Variants in SLC1A6 observed in about 807,000 individuals in gnomAD.
SLC1A6 encodes solute carrier family 1 member 6, also known as excitatory amino acid transporter 4.
SLC1A6 carries 15 observed loss-of-function variants against 42.1 expected under a neutral mutation model. The ratio of observed to expected loss-of-function variants is 0.36; its 90% CI spans 0.24 to 0.55. The LOEUF (loss-of-function observed/expected upper bound fraction) is 0.55, where lower values mean the gene tolerates loss of function less well. SLC1A6 is among the 20% of genes least tolerant of loss of function. The pLI is 0.88. For missense variants in SLC1A6, 542 were observed against 772.5 expected, an observed-to-expected ratio of 0.70 and a Z score of 3.54; for synonymous variants, 317 against 319.7, an observed-to-expected ratio of 0.99 and a Z score of 0.09.
intron 7 of SLC1A6, among the ~76,000 whole-genome samples, chr19:14,954,660 C>A (rs944449057): frequency 6.6e-6 from 1 of 152,016 alleles, no homozygotes; most frequent in Admixed American, 6.6e-5. Flanking sequence ...GCCCAAGGAG[C>A]GTTCCCCTTG....
chr19:14,954,414 G>A (rs2045442452), intron 7 of SLC1A6, 85 bp from the exon 8 acceptor site: 2 of 1,239,606 alleles, frequency 1.6e-6, no homozygotes, highest in Middle Eastern at 2.6e-4. Flanking sequence ...GTGGGGCAGG[G>A]CAGAGAATGG....
intron 1 of SLC1A6, among the ~76,000 whole-genome samples, chr19:14,990,793 A>C (rs957978212): frequency 9.4e-5 from 14 of 148,398 alleles, no homozygotes; most frequent in Middle Eastern, 3.5e-3. Flanking sequence ...AAACAAAAAA[A>C]AAAAAAAACG....
chr19:14,991,406 C>T (rs2045819280), intron 1 of SLC1A6, among the ~76,000 whole-genome samples: 2 of 152,120 alleles, frequency 1.3e-5, no homozygotes, highest in African/African-American at 2.4e-5. Context: ...GGATAGATCA[C>T]TAGAGGTCAG....
chr19:14,995,875 G>T (rs532482734), intron 1 of SLC1A6, among the ~76,000 whole-genome samples: 4 of 152,162 alleles, frequency 2.6e-5, no homozygotes, highest in Admixed American at 6.5e-5. Context: ...CCAGGAGCTA[G>T]GTTACCCCGG....
At chr19:15,005,859 G>A (rs1311056234) in intron 1 of SLC1A6, among the ~76,000 whole-genome samples, 4 of 152,254 alleles carry the variant, frequency 2.6e-5, no homozygotes, top group Admixed American at 6.5e-5. Flanking sequence ...GATCTGGCAT[G>A]AGGAAGCTTC....
chr19:14,975,876 G>GGAGGGGACA lies in SLC1A6; in HGVS notation c.-7-2960_-7-2959insTGTCCCCTC, dbSNP rs1231362373. 3.9e-5 allele frequency among the ~76,000 whole-genome samples: 2 copies of GGAGGGGACA among 51,024 alleles called. 1 individual carries two copies. Among genetic ancestry groups the GGAGGGGACA allele is most frequent in the Non-Finnish European group, 7.7e-5 (2 of 25,896 alleles). The allele number at this position is 51,024 out of a possible 152,430, so 33.5% of individuals were successfully genotyped here. A position where few individuals can be genotyped will look rare whatever the true frequency, so the allele number is the denominator to read the frequency against. On this transcript the variant is annotated intron_variant, in intron 1 of 9. Transcript: ENST00000594383. ...GAAGGGAAGGGAAGGGAAGGAAAGGGAAGGGAAGGGAAGGGAAGGAAAGGG... is the reference window on the plus strand; with the variant it reads ...GAAGGGAAGGGAAGGGAAGGAAAGGGGAGGGGACAAAGGGAAGGGAAGGGAAGGAAAGGG...
chr19:14,990,977 G>T (rs980065541), intron 1 of SLC1A6, among the ~76,000 whole-genome samples: 1 of 152,048 alleles, frequency 6.6e-6, no homozygotes, highest in East Asian at 1.9e-4. Context: ...ATGTGTGTGT[G>T]TATATTTCAA....
chr19:14,989,387 G>A (rs62113331), intron 1 of SLC1A6, among the ~76,000 whole-genome samples: 80,925 of 151,534 alleles, frequency 0.53, 21,767 homozygotes, highest in South Asian at 0.68. Flanking sequence ...TCGGCCTCCC[G>A]AGTAGCTTGA....
upstream of SLC1A6, among the ~76,000 whole-genome samples, chr19:14,982,296 G>A (rs555089314): frequency 6.6e-6 from 1 of 152,188 alleles, no homozygotes; most frequent in African/African-American, 2.4e-5. Flanking sequence ...TTGGAAGGCC[G>A]AGGTGGGCAA....
chr19:15,007,526 C>T (rs890309269), intron 1 of SLC1A6, among the ~76,000 whole-genome samples: 2 of 149,416 alleles, frequency 1.3e-5, no homozygotes, highest in Non-Finnish European at 3.0e-5. Flanking sequence ...TAAAATCATT[C>T]ATTGTATTTA....
rs377685722 is a variant in SLC1A6 at position 14,950,273 on chromosome 19, C to T, written c.1617G>A (p.Leu539=). The T allele has an allele frequency of 6.2e-7, 1 of 1,612,104 alleles. No individual in the cohort carries two copies. The highest frequency in any genetic ancestry group is 1.3e-5 in the African/African-American group (1 of 75,050). Residue 539 remains leucine, a synonymous_variant, in exon 10 of 10, where the codon CTG becomes CTA. Transcript: ENST00000594383. Reference sequence around the variant, plus strand: ...CCATGAGGGACTTGTAGGGTTTCCCCAGGCTGGGGAGGGTAAGCTCAGCTT... The same window carrying T: ...CCATGAGGGACTTGTAGGGTTTCCCTAGGCTGGGGAGGGTAAGCTCAGCTT... The part of the protein sequence containing the change: ...LQEAELTLPS[L]GKPYKSLMAQ...
At chr19:14,991,535 T>C (rs887797084) in intron 1 of SLC1A6, among the ~76,000 whole-genome samples, 1 of 151,406 alleles carries the variant, frequency 6.6e-6, no homozygotes, top group African/African-American at 2.4e-5. Context: ...AGGAAGAGAA[T>C]TGCTTGAACC....
intron 1 of SLC1A6, among the ~76,000 whole-genome samples, chr19:14,998,175 C>T (rs1044901183): frequency 1.9e-4 from 29 of 152,232 alleles, no homozygotes; most frequent in Admixed American, 3.9e-4. Context: ...GATAGAAAGA[C>T]GGAATCAGAC....
In SLC1A6 at chr19:14,971,851, G is replaced by C. The variant is rs377473242; in HGVS notation, c.229C>G (p.Arg77Gly). The change falls in exon 3 of 10, where the codon CGC becomes GGC. Residue 77 changes from arginine to glycine, a missense_variant. Physicochemically the swap from Arg to Gly is moderately radical, Grantham distance 125. Transcript: ENST00000594383. ...VIGVSLAFAL[R>G]PYQLTYRQIK... ...TGGCGGTAGGTGAGCTGATATGGGC[G>C]CAGGGCAAAGGCCAGGCTGACCCCT... is the stretch of plus-strand genomic sequence containing the variant. The C allele has an allele frequency of 6.2e-7, 1 of 1,614,134 alleles. No individual in the cohort carries two copies. Among genetic ancestry groups the C allele is most frequent in the South Asian group, 1.1e-5 (1 of 91,084 alleles).
intron 1 of SLC1A6, among the ~76,000 whole-genome samples, chr19:14,976,006 G>C (rs1453125418): frequency 1.3e-5 from 2 of 152,144 alleles, no homozygotes; most frequent in African/African-American, 2.4e-5. Context: ...TCATAACCAA[G>C]AAAGGGTGGT....
chr19:15,005,595 C>G (rs1403001866), intron 1 of SLC1A6, among the ~76,000 whole-genome samples: 3 of 152,090 alleles, frequency 2.0e-5, no homozygotes, highest in Non-Finnish European at 4.4e-5. Flanking sequence ...AATGGGTCAT[C>G]AAAGCCAGGA....
Position 14,950,316 on chromosome 19 carries a change from C to T in SLC1A6, c.1574G>A (p.Arg525Gln), listed in dbSNP as rs767260477. The T allele has an allele frequency of 2.5e-6, 4 of 1,611,994 alleles. No individual in the cohort carries two copies. Among genetic ancestry groups the T allele is most frequent in the Non-Finnish European group, 3.4e-6 (4 of 1,178,966 alleles). The change falls in exon 10 of 10, where the codon CGG becomes CAG. Residue 525 changes from arginine to glutamine, a missense_variant. Arg to Gln is a conservative substitution (Grantham distance 43). Around this residue, in one of 6 missense-constraint regions of SLC1A6, gnomAD observed 73 missense variants for 85.2 expected, o/e 0.86. Transcript: ENST00000594383. ...GAAVIEHLSQ[R>Q]ELELQEAELT... Reference sequence around the variant, plus strand: ...CTCAGCTTCCTGAAGCTCCAGCTCCCGCTGAGACAAGTGCTCGATGACGGC... The same window carrying T: ...CTCAGCTTCCTGAAGCTCCAGCTCCTGCTGAGACAAGTGCTCGATGACGGC...
At chr19:14,960,821 A>T (rs2145177128) in intron 6 of SLC1A6, among the ~76,000 whole-genome samples, 1 of 152,306 alleles carries the variant, frequency 6.6e-6, no homozygotes, top group South Asian at 2.1e-4. Context: ...TCAGTTAAAT[A>T]GGAGAAATAA....
In SLC1A6 at chr19:14,972,725, C is replaced by CGTCAGCA. The variant is rs2045656167; in HGVS notation, c.179_185dup (p.Val63AlafsTer116). ...GCTCACCAATGACCACGGCGCTGAC[C>CGTCAGCA]GTCAGCAGAATGAAGGCGTTTCGGC... is the stretch of plus-strand genomic sequence containing the variant. On this transcript the variant is annotated frameshift_variant, in exon 2 of 10. Transcript: ENST00000594383. LOFTEE classifies it high-confidence loss of function. 6.2e-7 allele frequency: 1 copy of CGTCAGCA among 1,613,946 alleles called. No individual in the cohort carries two copies. Among genetic ancestry groups the CGTCAGCA allele is most frequent in the Admixed American group, 1.7e-5 (1 of 60,020 alleles).
Sources: allele counts gnomAD v4.1 joint callset (sites outside exome capture counted in the v4.1 genomes callset), GRCh38; gene constraint gnomAD v4.1.1; regional missense constraint gnomAD v4.1.1; transcripts MANE v1.5; gene names NCBI Gene and HGNC (gene_info 2026-07-23, HGNC 2026-07-21).